The following B3GALT1 variants were observed in gnomAD, a reference collection of about 807,000 sequenced individuals.
B3GALT1 encodes UDP-Gal:betaGlcNAc beta 1,3-galactosyltransferase, polypeptide 1.
A neutral mutation model predicts 23.2 loss-of-function variants in B3GALT1; 10 were observed. That is an observed-to-expected ratio of 0.43 (90% CI 0.27 to 0.73). B3GALT1 has a LOEUF of 0.73. Among genes scored for constraint, B3GALT1 ranks in the 30% least tolerant of loss-of-function variants. The probability of loss-of-function intolerance (pLI) is 0.21; values close to 1 mark genes in which losing one functional copy is unlikely to be tolerated. For synonymous variants in B3GALT1, 156 were observed against 141.5 expected, an observed-to-expected ratio of 1.10 and a Z score of -0.73; for missense variants, 299 against 405.4, an observed-to-expected ratio of 0.74 and a Z score of 2.25.
At chr2:167,613,541 G>A (rs1438118087) in intron 2 of B3GALT1, among the ~76,000 whole-genome samples, 1 of 151,458 alleles carries the variant, frequency 6.6e-6, no homozygotes, top group Non-Finnish European at 1.5e-5. Flanking sequence ...TTTATAACGT[G>A]AGTTTTGTTT....
chr2:167,582,415 C>G (rs1169192285), intron 2 of B3GALT1, among the ~76,000 whole-genome samples: 1 of 152,130 alleles, frequency 6.6e-6, no homozygotes, highest in Non-Finnish European at 1.5e-5. Flanking sequence ...ACACTGTACT[C>G]AGATATGCCA....
At chr2:167,816,777 T>TA (rs1486089746) in intron 3 of B3GALT1, among the ~76,000 whole-genome samples, 9 of 152,222 alleles carry the variant, frequency 5.9e-5, no homozygotes. Flanking sequence ...TCTTAAAAGC[T>TA]ACCTCCATTA....
intron 3 of B3GALT1, chr2:167,715,187 A>G: frequency 2.5e-6 from 4 of 1,613,940 alleles, no homozygotes; most frequent in Non-Finnish European, 1.7e-6. Context: ...GTTCACTTCT[A>G]ATTCCAAGTT....
At chr2:167,652,631 A>T (rs2105465377) in intron 3 of B3GALT1, among the ~76,000 whole-genome samples, 1 of 152,176 alleles carries the variant, frequency 6.6e-6, no homozygotes, top group Admixed American at 6.5e-5. Flanking sequence ...TAAATGATTT[A>T]TCTCTGCTTA....
intron 2 of B3GALT1, among the ~76,000 whole-genome samples, chr2:167,624,564 C>G (rs1685309840): frequency 2.0e-5 from 3 of 152,006 alleles, no homozygotes; most frequent in African/African-American, 7.2e-5. Context: ...AGTTTAAGTA[C>G]CTTGCCCAAG....
At chr2:167,633,783 C>A (rs564224876) in intron 2 of B3GALT1, among the ~76,000 whole-genome samples, 1 of 152,036 alleles carries the variant, frequency 6.6e-6, no homozygotes, top group East Asian at 1.9e-4. Context: ...TTAGACAGAA[C>A]GACAAGACAG....
intron 2 of B3GALT1, among the ~76,000 whole-genome samples, chr2:167,531,670 A>C (rs1360015967): frequency 6.6e-6 from 1 of 152,092 alleles, no homozygotes; most frequent in African/African-American, 2.4e-5. Flanking sequence ...TCTGCACTTT[A>C]TTTCTTTCTC....
At chr2:167,309,901 A>G (rs1273336397) in intron 1 of B3GALT1, among the ~76,000 whole-genome samples, 3 of 152,088 alleles carry the variant, frequency 2.0e-5, no homozygotes, top group Non-Finnish European at 2.9e-5. Context: ...CCACAAGTCT[A>G]CTAAACTGAA....
intron 1 of B3GALT1, among the ~76,000 whole-genome samples, chr2:167,316,383 G>C (rs1696719017): frequency 6.6e-6 from 1 of 152,102 alleles, no homozygotes; most frequent in Admixed American, 6.5e-5. Flanking sequence ...GTAAATATCA[G>C]TCTTGCTAAT....
intron 2 of B3GALT1, among the ~76,000 whole-genome samples, chr2:167,581,479 A>G (rs148520398): frequency 1.3e-5 from 2 of 152,338 alleles, no homozygotes; most frequent in African/African-American, 2.4e-5. Context: ...AAATGAAAAT[A>G]CAACTGAAAC....
chr2:167,597,039 T>A (rs544849758), intron 2 of B3GALT1, among the ~76,000 whole-genome samples: 2 of 152,256 alleles, frequency 1.3e-5, no homozygotes, highest in Admixed American at 1.3e-4. Context: ...AAAGCCTAGA[T>A]TTAGTGGCTA....
intron 3 of B3GALT1, among the ~76,000 whole-genome samples, chr2:167,817,995 G>A (rs763509922): frequency 5.9e-5 from 9 of 152,114 alleles, no homozygotes; most frequent in Non-Finnish European, 1.2e-4. Context: ...CAGCTGTGCC[G>A]TGAATGAACC....
At chr2:167,719,539 C>T (rs1264804990) in intron 3 of B3GALT1, among the ~76,000 whole-genome samples, 2 of 152,146 alleles carry the variant, frequency 1.3e-5, no homozygotes, top group Non-Finnish European at 2.9e-5. Flanking sequence ...CAACTTTATA[C>T]CTGCAGAGGA....
At chr2:167,316,197 G>C (rs1283255842) in intron 1 of B3GALT1, among the ~76,000 whole-genome samples, 1 of 151,848 alleles carries the variant, frequency 6.6e-6, no homozygotes, top group African/African-American at 2.4e-5. Flanking sequence ...TTTTCCTTGG[G>C]AGGAGATGGT....
At chr2:167,566,463 G>T (rs1684169386) in intron 2 of B3GALT1, among the ~76,000 whole-genome samples, 1 of 151,138 alleles carries the variant, frequency 6.6e-6, no homozygotes, top group Non-Finnish European at 1.5e-5. Context: ...TAACTAACCT[G>T]CACATTGTGC....
chr2:167,500,181 G>A (rs1235863208), intron 2 of B3GALT1, among the ~76,000 whole-genome samples: 1 of 152,148 alleles, frequency 6.6e-6, no homozygotes, highest in East Asian at 1.9e-4. Context: ...CAGGATAGAA[G>A]ATGCAGTTTT....
chr2:167,645,553 A>ATT (rs1195110974), intron 2 of B3GALT1, among the ~76,000 whole-genome samples: 42,607 of 86,844 alleles, frequency 0.49, 13,682 homozygotes, highest in East Asian at 0.56. Flanking sequence ...ACTGCCAATA[A>ATT]TTTTTTTTTT....
At chr2:167,356,286 A>T (rs1373944381) in intron 1 of B3GALT1, among the ~76,000 whole-genome samples, 2 of 152,238 alleles carry the variant, frequency 1.3e-5, no homozygotes, top group East Asian at 3.8e-4. Flanking sequence ...ATGAAAATAT[A>T]ATAGATCCTA....
intron 1 of B3GALT1, among the ~76,000 whole-genome samples, chr2:167,468,299 A>G (rs1265740775): frequency 6.6e-6 from 1 of 152,210 alleles, no homozygotes; most frequent in Non-Finnish European, 1.5e-5. Flanking sequence ...GGGACACTAT[A>G]AGAAAAGATA....
Sources: allele counts gnomAD v4.1 joint callset (sites outside exome capture counted in the v4.1 genomes callset), GRCh38; gene constraint gnomAD v4.1.1; transcripts MANE v1.5; gene names NCBI Gene and HGNC (gene_info 2026-07-23, HGNC 2026-07-21).